Variants in ANAPC15 observed in about 807,000 individuals in gnomAD.
ANAPC15 encodes anaphase-promoting complex subunit 15.
A neutral mutation model predicts 19.8 loss-of-function variants in ANAPC15; 13 were observed. The ratio of observed to expected loss-of-function variants is 0.66; its 90% CI spans 0.43 to 1.04. The LOEUF (loss-of-function observed/expected upper bound fraction) is 1.04. Ranked by LOEUF, ANAPC15 falls within the 50% of genes least tolerant of loss-of-function variation. The probability of loss-of-function intolerance (pLI) is 0.00; values close to 1 mark genes in which losing one functional copy is unlikely to be tolerated. For synonymous variants in ANAPC15, 45 were observed against 50.7 expected, an observed-to-expected ratio of 0.89 and a Z score of 0.47; for missense variants, 88 against 150.3, an observed-to-expected ratio of 0.59 and a Z score of 2.17.
Position 72,110,584 on chromosome 11 carries a change from T to C in ANAPC15, c.140A>G (p.Lys47Arg). The C allele has an allele frequency of 6.2e-7, 1 of 1,614,202 alleles. No individual in the cohort carries two copies. The highest frequency in any genetic ancestry group is 2.2e-5 in the East Asian group (1 of 44,882). The change falls in exon 4 of 6, where the codon AAA becomes AGA. Residue 47 changes from lysine (K) to arginine (R), a missense_variant. By Grantham distance (26) the Lys-to-Arg change is conservative. Transcript: ENST00000227618. ...GCCAATAGGAACCAGGTTGTTGTCT[T>C]TCTCCGCGATGCTTTGGAGCTGTGG... Reference protein sequence around the residue: ...HQAWLQSIAEKDNNLVPIGKP... With the variant: ...HQAWLQSIAERDNNLVPIGKP...
At chr11:72,107,063 C>A (rs1024145662), downstream of ANAPC15, 3 of 208,026 alleles carry the variant, frequency 1.4e-5, no homozygotes, top group African/African-American at 7.0e-5. Context: ...CCCAGGAGTT[C>A]GAGACTAGCC....
rs1946175931 is a variant in ANAPC15, at chr11:72,109,748, G to A, written c.*133C>T. The A allele has an allele frequency of 9.2e-7, 1 of 1,082,196 alleles. No homozygotes were observed. 67.0% of individuals were successfully genotyped at this position (1,082,196 alleles called of 1,614,324 possible). On this transcript the variant is annotated 3_prime_UTR_variant, in exon 6 of 6. Coordinates refer to ENST00000227618, the MANE Select transcript of ANAPC15 (RefSeq NM_014042.3). ...CCAAAGAGACCAGATCCTGGCAGCA[G>A]CTGAGGAGGTGCCCAAGGGCACTTT... is the stretch of plus-strand genomic sequence containing the variant.
At chr11:72,111,637 A>C in intron 1 of ANAPC15, 141 bp from the exon 2 acceptor site, 1 of 194,158 alleles carries the variant, frequency 5.2e-6, no homozygotes, top group Non-Finnish European at 1.1e-5. Flanking sequence ...GGAATCCAGA[A>C]TGCAGACTGG....
intron 1 of ANAPC15, chr11:72,112,432 A>G (rs954016497): frequency 7.9e-5 from 21 of 267,414 alleles, no homozygotes; most frequent in African/African-American, 4.5e-4. Context: ...AACTGAAAGA[A>G]ATGCTGGGTG....
rs1366774283 is a variant in ANAPC15, at chr11:72,109,819, T to G, written c.*62A>C. The G allele has an allele frequency of 2.5e-6, 4 of 1,601,038 alleles. No individual in the cohort carries two copies. The highest frequency in any genetic ancestry group is 2.6e-6 in the Non-Finnish European group (3 of 1,170,172). On this transcript the variant is annotated 3_prime_UTR_variant, in exon 6 of 6. Transcript: ENST00000227618. The stretch of plus-strand genomic sequence containing the variant: ...TGGTTCTGTGGGCAGGGGTTGGGGG[T>G]TGGGATGCAGGGTAGTTTGGGCTGG...
In ANAPC15 at chr11:72,111,447, G is replaced by T; in HGVS notation, c.-46C>A. On this transcript the variant is annotated 5_prime_UTR_variant, in exon 2 of 6. Coordinates refer to ENST00000227618, the MANE Select transcript of ANAPC15 (RefSeq NM_014042.3). ...GTCCTGGCTCCACCACTTACTAGCT[G>T]TTTGACCTTGGCTGAGTCACTTAAC... 1 of 589,540 alleles carries T rather than the reference G, an allele frequency of 1.7e-6. No individual in the cohort carries two copies. Among genetic ancestry groups the T allele is most frequent in the Admixed American group, 3.1e-5 (1 of 32,672 alleles). The allele number at this position is 589,540 out of a possible 1,614,324, so 36.5% of individuals were successfully genotyped here.
upstream of ANAPC15, chr11:72,112,757 C>CT: frequency 4.4e-6 from 2 of 456,440 alleles, no homozygotes; most frequent in Non-Finnish European, 8.8e-6. Flanking sequence ...CCTTCGTCTC[C>CT]TTTTGTTTTC....
At chr11:72,107,304 C>G (rs1243883799), downstream of ANAPC15, 2 of 602,212 alleles carry the variant, frequency 3.3e-6, no homozygotes, top group African/African-American at 1.9e-5. Flanking sequence ...ATTCCAAGAT[C>G]AGAAATACAT....
At chr11:72,110,516 A>G in intron 4 of ANAPC15, 28 bp downstream of exon 4, 12 of 1,613,858 alleles carry the variant, frequency 7.4e-6, no homozygotes, top group Non-Finnish European at 1.0e-5. Context: ...CGGCCCCCAC[A>G]CAGGCCCCAC....
In ANAPC15 at chr11:72,109,933, A is replaced by T. The variant is rs367771928; in HGVS notation, c.319-5T>A. The T allele has an allele frequency of 1.5e-4, 238 of 1,613,772 alleles. 1 individual carries two copies. In the Middle Eastern group the frequency reaches 3.0e-3, roughly 20 times the overall value. Reference sequence around the variant, plus strand: ...TTCGTTGCCTTCCATGTCCACCTGGAGAGGAGGCTGGGTGTGGGTGGGGAG... The same window carrying T: ...TTCGTTGCCTTCCATGTCCACCTGGTGAGGAGGCTGGGTGTGGGTGGGGAG... On this transcript the variant is annotated splice_polypyrimidine_tract_variant and splice_region_variant and intron_variant, in intron 5 of 5. Coordinates refer to ENST00000227618, the MANE Select transcript of ANAPC15 (RefSeq NM_014042.3).
rs1340121907 is a variant in ANAPC15, at chr11:72,110,613, A to C, written c.121-10T>G. On this transcript the variant is annotated splice_polypyrimidine_tract_variant and intron_variant, in intron 3 of 5. Transcript: ENST00000227618. ...CCGCGATGCTTTGGAGCTGTGGGCA[A>C]AGGCACAGAGGAACAAGGCCAGAGC... 9.9e-6 allele frequency: 16 copies of C among 1,614,228 alleles called. No homozygotes were observed. In the South Asian group the frequency reaches 1.6e-4, roughly 17 times the overall value.
intron 2 of ANAPC15, 23 bp downstream of exon 2, chr11:72,111,389 C>T (rs1029087680): frequency 1.1e-6 from 1 of 872,218 alleles, no homozygotes; most frequent in African/African-American, 1.7e-5. Flanking sequence ...AAAGCAGCCC[C>T]TCCCCCTAGG....
At chr11:72,108,713 C>T (rs1945996230), downstream of ANAPC15, 1 of 1,549,512 alleles carries the variant, frequency 6.5e-7, no homozygotes, top group African/African-American at 1.4e-5. Context: ...ACGATGTTAC[C>T]TGAGGGACCT....
chr11:72,107,306 G>C (rs747634318), downstream of ANAPC15: 73 of 605,170 alleles, frequency 1.2e-4, no homozygotes, highest in Non-Finnish European at 1.4e-4. Context: ...TCCAAGATCA[G>C]AAATACATTT....
downstream of ANAPC15, chr11:72,107,150 C>G (rs139462864): frequency 1.1e-3 from 445 of 415,190 alleles, 4 homozygotes; most frequent in East Asian, 0.015. Context: ...AACTGTGGTT[C>G]CAGCTACTGG....
chr11:72,106,940 CAAAAAA>C (rs34155157), downstream of ANAPC15: 3 of 82,516 alleles, frequency 3.6e-5, no homozygotes, highest in Non-Finnish European at 5.5e-5. Flanking sequence ...GAACCTGTCT[CAAAAAA>C]AAAAAAAAAA....
chr11:72,110,592 G>A lies in ANAPC15; in HGVS notation c.132C>T (p.Ile44=), dbSNP rs539199138. 8.7e-6 allele frequency: 14 copies of A among 1,614,210 alleles called. No homozygotes were observed. The South Asian group carries it at 1.3e-4, about 15-fold the overall frequency. ...EQQHQAWLQS[I]AEKDNNLVPI... ...GAACCAGGTTGTTGTCTTTCTCCGC[G>A]ATGCTTTGGAGCTGTGGGCAAAGGC... The change falls in exon 4 of 6, where the codon ATC becomes ATT. Residue 44 remains isoleucine (I), a synonymous_variant. Transcript: ENST00000227618.
downstream of ANAPC15, chr11:72,108,893 A>C (rs727503153): frequency 2.4e-5 from 37 of 1,548,406 alleles, no homozygotes; most frequent in African/African-American, 4.0e-4. Flanking sequence ...CAAGGATGGA[A>C]TAGCTCAGCT....
At chr11:72,111,318 C>A in intron 2 of ANAPC15, 32 bp from the exon 3 acceptor site, 1 of 1,532,172 alleles carries the variant, frequency 6.5e-7, no homozygotes, top group South Asian at 1.1e-5. Flanking sequence ...ATGTGTTTTG[C>A]TTTGTTTTTG....
Sources: gnomAD v4.1 joint callset for allele counts on GRCh38, gnomAD v4.1.1 for gene constraint, MANE v1.5 for transcripts, NCBI Gene and HGNC (gene_info 2026-07-23, HGNC 2026-07-21) for gene names.